TET3: variants seen among roughly 807,000 people sequenced by gnomAD.
TET3 encodes the protein methylcytosine dioxygenase TET3.
In TET3, 19 loss-of-function variants were observed where a neutral mutation model predicts 141.4. The ratio of observed to expected loss-of-function variants is 0.13; its 90% CI spans 0.09 to 0.20. The LOEUF is 0.20. TET3 is among the 10% of genes least tolerant of loss of function. TET3 has a pLI of 1.00. For synonymous variants in TET3, 1,043 were observed against 980.9 expected (o/e 1.06, Z -1.18); for missense variants, 1,874 against 2,356.9 (o/e 0.80, Z 4.24).
At chr2:74,076,982 C>T (rs1383340255) in intron 5 of TET3, among the ~76,000 whole-genome samples, 2 of 152,188 alleles carry the variant, frequency 1.3e-5, no homozygotes, top group Non-Finnish European at 2.9e-5. Flanking sequence ...TACCTAGGTC[C>T]TTATCTTCAT....
intron 10 of TET3, among the ~76,000 whole-genome samples, chr2:74,097,195 G>GCACACACACACA (rs146612512): frequency 0.057 from 7,928 of 137,882 alleles, 315 homozygotes; most frequent in Non-Finnish European, 0.081. Context: ...AGCCATACAT[G>GCACACACACACA]CACACACACA....
Position 74,092,946 on chromosome 2 carries a change from C to T in TET3, c.3084C>T (p.Val1028=), listed in dbSNP as rs373633219. 336 of 1,588,690 alleles carry T rather than the reference C, an allele frequency of 2.1e-4. No homozygotes were observed. Among genetic ancestry groups the T allele is most frequent in the Middle Eastern group, 3.3e-4 (2 of 6,060 alleles). Reference sequence around the variant, plus strand: ...GTTTCCAGGACCTGGCCACCGAAGTCGCTCCCCTGTACAAGCGACTGGCCC... The same window carrying T: ...GTTTCCAGGACCTGGCCACCGAAGTTGCTCCCCTGTACAAGCGACTGGCCC... ...RKSFQDLATE[V]APLYKRLAPQ... Residue 1028 remains valine (V), a synonymous_variant, in exon 9 of 12, where the codon GTC becomes GTT. Transcript: ENST00000409262.
chr2:74,027,309 G>A (rs1008999757), intron 3 of TET3, among the ~76,000 whole-genome samples: 3 of 151,262 alleles, frequency 2.0e-5, no homozygotes, highest in Non-Finnish European at 2.9e-5. Flanking sequence ...TTAGACTTTC[G>A]GGGTAGAAGG....
intron 2 of TET3, among the ~76,000 whole-genome samples, chr2:74,002,015 G>A (rs1684873023): frequency 1.3e-5 from 2 of 152,078 alleles, no homozygotes; most frequent in African/African-American, 4.8e-5. Flanking sequence ...AGGAGGGCAG[G>A]GTTGACACAG....
In TET3 at chr2:74,108,009, C is replaced by T. The variant is rs1691603225; in HGVS notation, c.*5833C>T. ...TACCCTCCCTTCTCCCTCAGTGTTT[C>T]AGTAAATTTAATTTAGGGTGCCTAG... On this transcript the variant is annotated 3_prime_UTR_variant, in exon 12 of 12. Transcript: ENST00000409262. 1 of 153,574 alleles carries T rather than the reference C, an allele frequency of 6.5e-6. No individual in the cohort carries two copies. The highest frequency in any genetic ancestry group is 1.5e-5 in the Non-Finnish European group (1 of 68,022). 9.5% of individuals were successfully genotyped at this position (153,574 alleles called of 1,614,324 possible).
At chr2:74,002,396 G>A (rs1310054693) in intron 2 of TET3, among the ~76,000 whole-genome samples, 1 of 119,200 alleles carries the variant, frequency 8.4e-6, no homozygotes, top group African/African-American at 3.2e-5. Flanking sequence ...GCTCCGCTCC[G>A]CTCCACCCGG....
rs1332325971 is a variant in TET3 at position 74,067,718 on chromosome 2, AG to A, written c.2495-5828del. 5.9e-5 allele frequency among the ~76,000 whole-genome samples: 9 copies of A among 152,356 alleles called. No homozygotes were observed. The South Asian group carries it at 1.5e-3, about 25-fold the overall frequency. ...TGGAGCTGGAGCTGCAAGGAAAGAA[AG>A]GGAAAAAAAATGAGTTTTTCCAAAA... On this transcript the variant is annotated intron_variant, in intron 4 of 11. Coordinates refer to ENST00000409262, the MANE Select transcript of TET3 (RefSeq NM_001287491.2).
At position 74,106,215 on chromosome 2, in the gene TET3, C is replaced by G. The variant is rs1025458545; in HGVS notation, c.*4039C>G. The stretch of plus-strand genomic sequence containing the variant: ...CCCTTGGTGGCCAAACAAAGCAAGT[C>G]GAGAAGGCAGCTATCTCCCTTTCTG... On this transcript the variant is annotated 3_prime_UTR_variant, in exon 12 of 12. Coordinates refer to ENST00000409262, the MANE Select transcript of TET3 (RefSeq NM_001287491.2). 6.6e-6 allele frequency: 1 copy of G among 152,088 alleles called. No homozygotes were observed. Among genetic ancestry groups the G allele is most frequent in the African/African-American group, 2.4e-5 (1 of 41,388 alleles). The allele number at this position is 152,088 out of a possible 1,614,324, so 9.4% of individuals were successfully genotyped here. A position where few individuals can be genotyped will look rare whatever the true frequency, so the allele number is the denominator to read the frequency against.
At chr2:74,111,982 C>G (rs1691714893), downstream of TET3, among the ~76,000 whole-genome samples, 1 of 152,210 alleles carries the variant, frequency 6.6e-6, no homozygotes, top group Non-Finnish European at 1.5e-5. Context: ...TTTGGCTCTT[C>G]AGAGCATCTT....
In TET3 at chr2:74,075,131, A is replaced by G. The variant is rs570172675; in HGVS notation, c.2585+1492A>G. 2.7e-3 allele frequency among the ~76,000 whole-genome samples: 410 copies of G among 152,144 alleles called. 4 individuals carry two copies. Among genetic ancestry groups the G allele is most frequent in the African/African-American group, 9.2e-3 (383 of 41,514 alleles). On this transcript the variant is annotated intron_variant, in intron 5 of 11. Coordinates refer to ENST00000409262, the MANE Select transcript of TET3 (RefSeq NM_001287491.2). ...GTGATCCGCCCGCCTCGGCCTCCCAAAGTGCTGGGATTACAGGCGTGAGCC... is the reference window on the plus strand; with the variant it reads ...GTGATCCGCCCGCCTCGGCCTCCCAGAGTGCTGGGATTACAGGCGTGAGCC...
chr2:74,121,141 C>T, the TET3 span: 7 of 152,156 alleles, frequency 4.6e-5, no homozygotes, highest in South Asian at 1.5e-3. Flanking sequence ...TTTTAAAAGT[C>T]GATGTTGAAA....
chr2:73,985,678 TG>T (rs1228833452), intron 1 of TET3, among the ~76,000 whole-genome samples: 1 of 151,942 alleles, frequency 6.6e-6, no homozygotes, highest in East Asian at 1.9e-4. Context: ...CCAGGGCGTG[TG>T]GGGGAATTTT....
In TET3 at chr2:74,101,774, C is replaced by T. The variant is rs1179293110; in HGVS notation, c.4986C>T (p.Ser1662=). 6 of 1,613,168 alleles carry T rather than the reference C, an allele frequency of 3.7e-6. No individual in the cohort carries two copies. The South Asian group carries it at 6.6e-5, about 18-fold the overall frequency. Residue 1662 remains serine, a synonymous_variant, in exon 12 of 12, where the codon TCC becomes TCT. Transcript: ENST00000409262. The surrounding 1 kb of genome is among the most constrained non-coding windows in gnomAD (Gnocchi z 8.5). ...TGGCCGTGGCCCCAGCCCACGGCTC[C>T]ATCCTCATCGAGTGTGCCCGGCGGG... ...GGVAVAPAHG[S]ILIECARREL...
intron 2 of TET3, among the ~76,000 whole-genome samples, chr2:73,987,647 G>A (rs969411939): frequency 1.3e-5 from 2 of 152,224 alleles, no homozygotes; most frequent in African/African-American, 4.8e-5. Flanking sequence ...GGACAGAGAC[G>A]GAGGCCTGCG....
chr2:74,048,638 T>G (rs532644585), intron 4 of TET3, among the ~76,000 whole-genome samples: 2 of 152,340 alleles, frequency 1.3e-5, no homozygotes, highest in East Asian at 3.9e-4. Context: ...ATAGGTGCTT[T>G]AATACACAAA....
chr2:74,072,632 G>A (rs1316690313), intron 4 of TET3, among the ~76,000 whole-genome samples: 1 of 151,778 alleles, frequency 6.6e-6, no homozygotes, highest in Non-Finnish European at 1.5e-5. Flanking sequence ...TCATGTTTAT[G>A]TGTACAGTTT....
Position 74,046,611 on chromosome 2 carries a change from G to T in TET3, c.694G>T (p.Ala232Ser). ...CTTCAACCGTGAGATGAGTCGTGAGGCTGGGAACAACAGCAGGGGACCCCG... is the reference window on the plus strand; with the variant it reads ...CTTCAACCGTGAGATGAGTCGTGAGTCTGGGAACAACAGCAGGGGACCCCG... ...ETFNREMSRE[A>S]GNNSRGPRPG... is the part of the protein sequence containing the mutation. Residue 232 changes from alanine (A) to serine (S), a missense_variant, in exon 4 of 12, where the codon GCT (alanine) becomes TCT (serine). Physicochemically the swap from Ala to Ser is moderately conservative, Grantham distance 99 (BLOSUM62 1). Transcript: ENST00000409262. The surrounding 1 kb of genome is among the most constrained non-coding windows in gnomAD (Gnocchi z 4.3). The T allele has an allele frequency of 6.2e-7, 1 of 1,614,064 alleles. No homozygotes were observed. The highest frequency in any genetic ancestry group is 8.5e-7 in the Non-Finnish European group (1 of 1,179,900).
chr2:74,123,420 C>T, the TET3 span, among the ~76,000 whole-genome samples: 7 of 152,330 alleles, frequency 4.6e-5, no homozygotes, highest in East Asian at 1.4e-3. Flanking sequence ...AGATCAACAC[C>T]ATCCTGGCTA....
intron 3 of TET3, among the ~76,000 whole-genome samples, chr2:74,032,063 G>A (rs773381541): frequency 9.2e-5 from 14 of 152,180 alleles, no homozygotes; most frequent in South Asian, 2.1e-4. Flanking sequence ...ACATTTAAAC[G>A]TAAAGGTGCT....
Sources: allele counts gnomAD v4.1 joint callset (sites outside exome capture counted in the v4.1 genomes callset), GRCh38; gene constraint gnomAD v4.1.1; non-coding constraint Gnocchi (gnomAD v3.1); transcripts MANE v1.5; gene names NCBI Gene and HGNC (gene_info 2026-07-23, HGNC 2026-07-21).